The following CDK13 variants were observed in gnomAD, a reference collection of about 807,000 sequenced individuals.
The protein encoded by CDK13 is cyclin-dependent kinase 13.
Under a neutral mutation model 137.6 loss-of-function variants are expected in CDK13, and 40 were observed. The ratio of observed to expected loss-of-function variants is 0.29; its 90% CI spans 0.23 to 0.38. CDK13 has a LOEUF of 0.38. CDK13 is among the 10% of genes least tolerant of loss of function. The pLI is 1.00. For synonymous variants in CDK13, 869 were observed against 760.1 expected (o/e 1.14, Z -2.36); for missense variants, 1,704 against 1,951.8 (o/e 0.87, Z 2.39).
chr7:40,007,967 T>C (rs1018573423), intron 5 of CDK13, among the ~76,000 whole-genome samples: 3 of 152,194 alleles, frequency 2.0e-5, no homozygotes, highest in Non-Finnish European at 4.4e-5. Context: ...TAATTATTAG[T>C]GTCATGACTT....
intron 1 of CDK13, among the ~76,000 whole-genome samples, chr7:39,970,529 T>C (rs1783975395): frequency 6.6e-6 from 1 of 151,030 alleles, no homozygotes; most frequent in South Asian, 2.1e-4. Context: ...GGCATGATCT[T>C]GGCTCACTGC....
intron 9 of CDK13, among the ~76,000 whole-genome samples, chr7:40,063,441 T>C (rs1786200530): frequency 3.3e-5 from 5 of 152,118 alleles, no homozygotes; most frequent in South Asian, 2.1e-4. Context: ...TTTTTAATTA[T>C]GAAAGAAATG....
Position 39,951,049 on chromosome 7 carries a change from C to T in CDK13, c.408C>T (p.Ser136=), listed in dbSNP as rs1787156786. Residue 136 remains serine (S), a synonymous_variant, in exon 1 of 14, where the codon AGC becomes AGT. Coordinates refer to ENST00000181839, the MANE Select transcript of CDK13 (RefSeq NM_003718.5). ...AGGACGGCGGTGGCGGTGCTAGTAGCGGCGGGGGTGTGACCCCGCTGGTGG... is the reference window on the plus strand; with the variant it reads ...AGGACGGCGGTGGCGGTGCTAGTAGTGGCGGGGGTGTGACCCCGCTGGTGG... ...PQQDGGGGAS[S]GGGVTPLVEY... is the part of the protein sequence containing the mutation. 5.5e-6 allele frequency: 7 copies of T among 1,284,220 alleles called. No homozygotes were observed. Among genetic ancestry groups the T allele is most frequent in the Non-Finnish European group, 6.9e-6 (7 of 1,017,736 alleles). The allele number at this position is 1,284,220 out of a possible 1,614,324, so 79.6% of individuals were successfully genotyped here. A position where few individuals can be genotyped will look rare whatever the true frequency, so the allele number is the denominator to read the frequency against.
intron 1 of CDK13, among the ~76,000 whole-genome samples, chr7:39,971,211 C>T (rs1583924922): frequency 1.3e-5 from 2 of 152,068 alleles, no homozygotes; most frequent in African/African-American, 2.4e-5. Context: ...AATTGCCTGT[C>T]TTGTTTTATA....
chr7:39,950,666 C>G lies in CDK13; in HGVS notation c.25C>G (p.Leu9Val). The change falls in exon 1 of 14, where the codon CTG (leucine) becomes GTG (valine). Residue 9 changes from leucine (L) to valine (V), a missense_variant. Coordinates refer to ENST00000181839, the MANE Select transcript of CDK13 (RefSeq NM_003718.5). ...GATGCCGAGCAGCTCGGACACGGCG[C>G]TGGGGGGAGGCGGGGGCCTGAGCTG... MPSSSDTA[L>V]GGGGGLSWAE... is the part of the protein sequence containing the mutation. The G allele has an allele frequency of 7.3e-7, 1 of 1,376,144 alleles. No homozygotes were observed. The highest frequency in any genetic ancestry group is 9.4e-7 in the Non-Finnish European group (1 of 1,068,986). The allele number at this position is 1,376,144 out of a possible 1,614,324, so 85.2% of individuals were successfully genotyped here. A position where few individuals can be genotyped will look rare whatever the true frequency, so the allele number is the denominator to read the frequency against.
At chr7:39,968,741 C>T (rs1364560876) in intron 1 of CDK13, among the ~76,000 whole-genome samples, 1 of 152,088 alleles carries the variant, frequency 6.6e-6, no homozygotes, top group Non-Finnish European at 1.5e-5. Flanking sequence ...AGTGGGATAC[C>T]TCCAGCCTTG....
At chr7:39,995,366 A>G (rs1353360589) in intron 2 of CDK13, among the ~76,000 whole-genome samples, 2 of 152,196 alleles carry the variant, frequency 1.3e-5, no homozygotes, top group Non-Finnish European at 2.9e-5. Flanking sequence ...CCTCATTACA[A>G]GTTAGAGACT....
rs149496848 is a variant in CDK13 at position 39,994,264 on chromosome 7, A to G, written c.1872-3230A>G. Among the ~76,000 whole-genome samples the G allele has an allele frequency of 2.0e-3, 299 of 152,246 alleles. 4 individuals carry two copies. The highest frequency in any genetic ancestry group is 0.014 in the East Asian group (75 of 5,192). ...TAGGTTTATAAAATTTAAAAAGGTT[A>G]AGTCAGATCTGATAGAAGTTTGGTT... On this transcript the variant is annotated intron_variant, in intron 2 of 13. Coordinates refer to ENST00000181839, the MANE Select transcript of CDK13 (RefSeq NM_003718.5).
At chr7:40,043,696 G>A (rs1008932111) in intron 5 of CDK13, among the ~76,000 whole-genome samples, 8 of 151,852 alleles carry the variant, frequency 5.3e-5, no homozygotes, top group Non-Finnish European at 8.8e-5. Context: ...ATGTGGTGGT[G>A]GGAGCCCATG....
intron 1 of CDK13, chr7:39,952,737 C>T (rs1452788933): frequency 2.0e-5 from 3 of 152,174 alleles, no homozygotes; most frequent in South Asian, 2.1e-4. Flanking sequence ...TATAACTAGA[C>T]CTTTAAATAT....
At chr7:40,030,380 A>T (rs142410597) in intron 5 of CDK13, among the ~76,000 whole-genome samples, 3 of 149,964 alleles carry the variant, frequency 2.0e-5, no homozygotes, top group Non-Finnish European at 4.4e-5. Context: ...TTAAAAGTCC[A>T]GTGTTCATCC....
chr7:39,953,478 A>G (rs1375492637), intron 1 of CDK13, among the ~76,000 whole-genome samples: 1 of 152,200 alleles, frequency 6.6e-6, no homozygotes, highest in African/African-American at 2.4e-5. Context: ...TAGTTGCTGG[A>G]TACTTCAGCG....
Position 39,990,231 on chromosome 7 carries a change from C to CT in CDK13, c.1871+1984dup, listed in dbSNP as rs397967975. On this transcript the variant is annotated intron_variant, in intron 2 of 13. Coordinates refer to ENST00000181839, the MANE Select transcript of CDK13 (RefSeq NM_003718.5). ...TGGCACATTTAATTCTTGTTCATTA[C>CT]TTTTTTTTTTTGATTCACCTTTTCT... Among the ~76,000 whole-genome samples, 986 of 147,556 alleles carry CT rather than the reference C, an allele frequency of 6.7e-3. 13 individuals carry two copies. Among genetic ancestry groups the CT allele is most frequent in the African/African-American group, 0.022 (884 of 40,572 alleles).
At chr7:39,979,622 C>T (rs758356840) in intron 1 of CDK13, among the ~76,000 whole-genome samples, 2 of 151,916 alleles carry the variant, frequency 1.3e-5, no homozygotes, top group Non-Finnish European at 2.9e-5. Flanking sequence ...TGTGGTAGGC[C>T]GAATAATACT....
At chr7:39,963,500 C>T (rs1814880069) in intron 1 of CDK13, among the ~76,000 whole-genome samples, 1 of 152,134 alleles carries the variant, frequency 6.6e-6, no homozygotes, top group Non-Finnish European at 1.5e-5. Flanking sequence ...GCTGAAGTTG[C>T]CTATCAGCTT....
chr7:40,023,115 CAG>C (rs1785162172), intron 5 of CDK13, among the ~76,000 whole-genome samples: 1 of 144,580 alleles, frequency 6.9e-6, no homozygotes, highest in South Asian at 2.2e-4. Flanking sequence ...TTTTTTGAGA[CAG>C]AGTCTTACTC....
Position 40,097,958 on chromosome 7 carries a change from G to A in CDK13, c.*2978G>A, listed in dbSNP as rs964430059. 3.9e-5 allele frequency: 6 copies of A among 152,124 alleles called. No homozygotes were observed. The highest frequency in any genetic ancestry group is 2.6e-4 in the Admixed American group (4 of 15,266). The allele number at this position is 152,124 out of a possible 1,614,324, so 9.4% of individuals were successfully genotyped here. Reference sequence around the variant, plus strand: ...TGGGGTACATCAATAACCGTCAACAGTGTTAAATCATACTTTCAGTGTGCT... The same window carrying A: ...TGGGGTACATCAATAACCGTCAACAATGTTAAATCATACTTTCAGTGTGCT... On this transcript the variant is annotated 3_prime_UTR_variant, in exon 14 of 14. Transcript: ENST00000181839.
At position 40,044,311 on chromosome 7, in the gene CDK13, C is replaced by G. The variant is rs1251932948; in HGVS notation, c.2354-1525C>G. Among the ~76,000 whole-genome samples, 3 of 149,890 alleles carry G rather than the reference C, an allele frequency of 2.0e-5. No individual in the cohort carries two copies. In the East Asian group the frequency reaches 6.0e-4, roughly 30 times the overall value. Reference sequence around the variant, plus strand: ...TGAATTGTTTCTTCATATATGAAGTCTTTTGCTTTTTTTTTTTTCTTCTTT... The same window carrying G: ...TGAATTGTTTCTTCATATATGAAGTGTTTTGCTTTTTTTTTTTTCTTCTTT... On this transcript the variant is annotated intron_variant, in intron 5 of 13. Coordinates refer to ENST00000181839, the MANE Select transcript of CDK13 (RefSeq NM_003718.5).
At chr7:40,016,100 G>A (rs1321740360) in intron 5 of CDK13, among the ~76,000 whole-genome samples, 1 of 152,188 alleles carries the variant, frequency 6.6e-6, no homozygotes, top group East Asian at 1.9e-4. Context: ...AGTGAAGGGT[G>A]GAAGTGGCAG....
Sources: allele counts gnomAD v4.1 joint callset (sites outside exome capture counted in the v4.1 genomes callset), GRCh38; gene constraint gnomAD v4.1.1; transcripts MANE v1.5; gene names NCBI Gene and HGNC (gene_info 2026-07-23, HGNC 2026-07-21).